Variants in NIPSNAP2 observed in about 807,000 individuals in gnomAD.
NIPSNAP2 encodes nipsnap homolog 2, also known as protein NipSnap homolog 2.
In NIPSNAP2, 42 loss-of-function variants were observed where a neutral mutation model predicts 48.4. The observed-to-expected ratio is 0.87, with a 90% CI of 0.68 to 1.12. The LOEUF is 1.12. Among genes scored for constraint, NIPSNAP2 ranks in the 50% most tolerant of loss-of-function variants. The pLI is 0.00. For missense variants in NIPSNAP2, 314 were observed against 347.3 expected, an observed-to-expected ratio of 0.90 and a Z score of 0.76; for synonymous variants, 158 against 126.6, an observed-to-expected ratio of 1.25 and a Z score of -1.67.
intron 7 of NIPSNAP2, among the ~76,000 whole-genome samples, chr7:55,992,382 C>T (rs887820095): frequency 1.3e-5 from 2 of 152,116 alleles, no homozygotes; most frequent in Non-Finnish European, 2.9e-5. Context: ...TCCAGCTACT[C>T]AGGAGGCCGG....
At chr7:55,993,320 C>T (rs1053546928) in intron 7 of NIPSNAP2, among the ~76,000 whole-genome samples, 10 of 151,228 alleles carry the variant, frequency 6.6e-5, no homozygotes, top group Admixed American at 6.6e-4. Context: ...TGTAGGCTGG[C>T]CTGGTGGCTC....
chr7:55,977,179 T>C (rs1213150110), intron 1 of NIPSNAP2, among the ~76,000 whole-genome samples: 2 of 151,964 alleles, frequency 1.3e-5, no homozygotes, highest in African/African-American at 4.8e-5. Context: ...TTGCCTGAGC[T>C]CAGGAGTTCA....
At chr7:55,971,308 G>A (rs1293538621) in intron 1 of NIPSNAP2, among the ~76,000 whole-genome samples, 2 of 152,106 alleles carry the variant, frequency 1.3e-5, no homozygotes, top group South Asian at 2.1e-4. Flanking sequence ...TTGTCAAGAC[G>A]ATTGCTGCCC....
chr7:55,969,642 C>A (rs138150314), intron 1 of NIPSNAP2, among the ~76,000 whole-genome samples: 1 of 152,326 alleles, frequency 6.6e-6, no homozygotes, highest in East Asian at 1.9e-4. Flanking sequence ...CCAGGTTCAT[C>A]TGTGCATCGT....
chr7:55,984,663 A>G (rs1434198944), intron 6 of NIPSNAP2, among the ~76,000 whole-genome samples, 184 bp from the exon 7 acceptor site: 1 of 149,108 alleles, frequency 6.7e-6, no homozygotes, highest in Non-Finnish European at 1.5e-5. Flanking sequence ...AGGTTTCAGG[A>G]GCTGAGATTG....
At chr7:55,992,316 C>A (rs1398295192) in intron 7 of NIPSNAP2, among the ~76,000 whole-genome samples, 1 of 151,984 alleles carries the variant, frequency 6.6e-6, no homozygotes, top group Non-Finnish European at 1.5e-5. Flanking sequence ...TCAACAACAA[C>A]AAAAACATAA....
At chr7:55,971,030 G>C (rs1023823415) in intron 1 of NIPSNAP2, among the ~76,000 whole-genome samples, 1 of 152,110 alleles carries the variant, frequency 6.6e-6, no homozygotes, top group Non-Finnish European at 1.5e-5. Context: ...CATAGAGCCC[G>C]GCATAGAATG....
intron 1 of NIPSNAP2, among the ~76,000 whole-genome samples, chr7:55,973,360 T>A (rs940180888): frequency 1.2e-4 from 19 of 152,162 alleles, no homozygotes; most frequent in Admixed American, 1.2e-3. Flanking sequence ...TTATTTTGCT[T>A]GTTTAAAGTG....
At chr7:55,998,496 T>TTTTG (rs1375912360) in intron 9 of NIPSNAP2, among the ~76,000 whole-genome samples, 3 of 120,464 alleles carry the variant, frequency 2.5e-5, no homozygotes, top group Non-Finnish European at 3.5e-5. Flanking sequence ...AGGATCTGTT[T>TTTTG]TTTTTTTTTT....
In NIPSNAP2 at chr7:55,964,633, C is replaced by A; in HGVS notation, c.24C>A (p.Ala8=). The change falls in exon 1 of 10, where the codon GCC becomes GCA. Residue 8 remains alanine, a synonymous_variant. Coordinates refer to ENST00000322090, the MANE Select transcript of NIPSNAP2 (RefSeq NM_001483.3). MAARVLR[A]RGAAWAGGLL... ...AGATGGCGGCGCGAGTGCTGCGCGCCCGCGGAGCGGCCTGGGCCGGCGGCC... is the reference window on the plus strand; with the variant it reads ...AGATGGCGGCGCGAGTGCTGCGCGCACGCGGAGCGGCCTGGGCCGGCGGCC... The A allele has an allele frequency of 9.4e-7, 1 of 1,068,198 alleles. No homozygotes were observed. Among genetic ancestry groups the A allele is most frequent in the South Asian group, 4.4e-5 (1 of 22,824 alleles). 66.2% of individuals were successfully genotyped at this position (1,068,198 alleles called of 1,614,324 possible).
chr7:55,990,177 A>AT (rs557817490), intron 7 of NIPSNAP2, among the ~76,000 whole-genome samples: 9 of 149,668 alleles, frequency 6.0e-5, no homozygotes, highest in Non-Finnish European at 1.0e-4. Context: ...GATTTATAGC[A>AT]TTTTTTTTCT....
chr7:55,971,491 T>C (rs886920568), intron 1 of NIPSNAP2, among the ~76,000 whole-genome samples: 18 of 152,140 alleles, frequency 1.2e-4, no homozygotes, highest in Non-Finnish European at 2.2e-4. Flanking sequence ...TTAGAGGTGG[T>C]CTTGCTCTGT....
At chr7:55,998,843 G>A (rs1166779297) in intron 9 of NIPSNAP2, among the ~76,000 whole-genome samples, 165 bp from the exon 10 acceptor site, 1 of 152,062 alleles carries the variant, frequency 6.6e-6, no homozygotes, top group Non-Finnish European at 1.5e-5. Context: ...CTGATACAGG[G>A]TCCGCTTGTA....
rs1214745840 is a variant in NIPSNAP2, at chr7:55,999,996, T to C, written c.*924T>C. 3 of 152,614 alleles carry C rather than the reference T, an allele frequency of 2.0e-5. No individual in the cohort carries two copies. The allele number at this position is 152,614 out of a possible 1,614,324, so 9.5% of individuals were successfully genotyped here. A position where few individuals can be genotyped will look rare whatever the true frequency, so the allele number is the denominator to read the frequency against. Reference sequence around the variant, plus strand: ...AGCTGTTTGATTTCATTTTTTAATATAGTATGCCAATTTTGTGACTGTTAC... The same window carrying C: ...AGCTGTTTGATTTCATTTTTTAATACAGTATGCCAATTTTGTGACTGTTAC... On this transcript the variant is annotated 3_prime_UTR_variant, in exon 10 of 10. Coordinates refer to ENST00000322090, the MANE Select transcript of NIPSNAP2 (RefSeq NM_001483.3).
chr7:55,991,200 C>A (rs1243082438), intron 7 of NIPSNAP2, among the ~76,000 whole-genome samples: 1 of 152,120 alleles, frequency 6.6e-6, no homozygotes, highest in Non-Finnish European at 1.5e-5. Context: ...TCTAATGAAC[C>A]TTTCCTCCTT....
chr7:55,974,715 G>A (rs955409955), intron 1 of NIPSNAP2, among the ~76,000 whole-genome samples: 1 of 152,032 alleles, frequency 6.6e-6, no homozygotes, highest in Admixed American at 6.6e-5. Context: ...GGGTGTGGCG[G>A]CGGGCGCCTG....
intron 7 of NIPSNAP2, among the ~76,000 whole-genome samples, chr7:55,990,231 C>CTTTTTT (rs568097360): frequency 7.3e-6 from 1 of 136,582 alleles, no homozygotes. Flanking sequence ...TGTTTCTTTT[C>CTTTTTT]TTTTTTTTTT....
At chr7:55,975,343 A>G (rs771047330) in intron 1 of NIPSNAP2, among the ~76,000 whole-genome samples, 4 of 152,080 alleles carry the variant, frequency 2.6e-5, no homozygotes, top group African/African-American at 9.7e-5. Flanking sequence ...ACAGAGTAAG[A>G]GCCTGTCTCA....
intron 7 of NIPSNAP2, among the ~76,000 whole-genome samples, chr7:55,986,823 A>G (rs1475530511): frequency 2.0e-5 from 3 of 151,972 alleles, no homozygotes; most frequent in Admixed American, 6.6e-5. Flanking sequence ...AAGAATACAG[A>G]TAACTCAATT....
Sources: gnomAD v4.1 joint callset for allele counts (sites outside exome capture counted in the v4.1 genomes callset) on GRCh38, gnomAD v4.1.1 for gene constraint, MANE v1.5 for transcripts, NCBI Gene and HGNC (gene_info 2026-07-23, HGNC 2026-07-21) for gene names.